The following PTPN11 variants were observed in gnomAD, a reference collection of about 807,000 sequenced individuals.
PTPN11 encodes tyrosine-protein phosphatase non-receptor type 11.
PTPN11 carries 6 observed loss-of-function variants against 78.8 expected under a neutral mutation model. That is an observed-to-expected ratio of 0.08 (90% CI 0.04 to 0.15). The LOEUF is 0.15. Ranked by LOEUF, PTPN11 falls within the 10% of genes least tolerant of loss-of-function variation. The pLI, the probability that PTPN11 is intolerant of heterozygous loss-of-function variation, is 1.00. For missense variants in PTPN11, 386 were observed against 744.8 expected, an observed-to-expected ratio of 0.52 and a Z score of 5.61; for synonymous variants, 221 against 263.5, an observed-to-expected ratio of 0.84 and a Z score of 1.56.
intron 9 of PTPN11, among the ~76,000 whole-genome samples, chr12:112,480,566 T>C (rs943169707): frequency 2.6e-5 from 4 of 151,974 alleles, no homozygotes; most frequent in Non-Finnish European, 5.9e-5. Flanking sequence ...GGTTTCACCA[T>C]GTTGGCCAGG....
chr12:112,425,297 T>C (rs888979718), intron 1 of PTPN11, among the ~76,000 whole-genome samples: 1 of 152,160 alleles, frequency 6.6e-6, no homozygotes, highest in Non-Finnish European at 1.5e-5. Context: ...TAGAACACTT[T>C]TCAAGAATTT....
rs938869265 is a variant in PTPN11 at position 112,504,850 on chromosome 12, T to G, written c.*32+54T>G. 1.5e-5 allele frequency: 18 copies of G among 1,166,212 alleles called. No homozygotes were observed. Among genetic ancestry groups the G allele is most frequent in the Non-Finnish European group, 2.1e-5 (17 of 791,564 alleles). The allele number at this position is 1,166,212 out of a possible 1,614,324, so 72.2% of individuals were successfully genotyped here. ...AATTGTTTATATAATTGGCAGTATT[T>G]TTAAGCAGGCAAGCAATTTGGGAAT... On this transcript the variant is annotated intron_variant, in intron 15 of 15. Coordinates refer to ENST00000351677, the MANE Select transcript of PTPN11 (RefSeq NM_002834.5). This position sits in a 1 kb window ranked among gnomAD's most constrained non-coding sequence, Gnocchi z 4.7.
intron 6 of PTPN11, among the ~76,000 whole-genome samples, chr12:112,463,197 A>AT (rs995071200): frequency 5.3e-5 from 8 of 151,994 alleles, no homozygotes; most frequent in African/African-American, 1.9e-4. Flanking sequence ...TTTAAAATAA[A>AT]TTTTTTTAAC....
At chr12:112,505,743 A>G (rs2038927594) in intron 15 of PTPN11, 82 bp from the exon 16 acceptor site, 1 of 151,970 alleles carries the variant, frequency 6.6e-6, no homozygotes, top group South Asian at 2.1e-4. Flanking sequence ...AAAAGCTCTA[A>G]GTCTACCTTA....
intron 1 of PTPN11, among the ~76,000 whole-genome samples, chr12:112,424,784 T>C (rs950168155): frequency 2.0e-5 from 3 of 151,920 alleles, no homozygotes; most frequent in Non-Finnish European, 2.9e-5. Flanking sequence ...CACTGCAACC[T>C]CTGCCTCCCA....
intron 6 of PTPN11, among the ~76,000 whole-genome samples, chr12:112,469,464 A>G (rs2038380190): frequency 6.6e-6 from 1 of 152,058 alleles, no homozygotes; most frequent in African/African-American, 2.4e-5. Flanking sequence ...TTCTATATAC[A>G]GCAAAATGAA....
chr12:112,477,818 C>T (rs1196008372), intron 8 of PTPN11, 39 bp from the exon 9 acceptor site: 18 of 1,612,328 alleles, frequency 1.1e-5, no homozygotes, highest in Non-Finnish European at 1.5e-5. Context: ...CTGAAAGTAA[C>T]TTTAAGGTGT....
intron 13 of PTPN11, among the ~76,000 whole-genome samples, chr12:112,497,889 A>G (rs1592860001): frequency 6.6e-6 from 1 of 152,216 alleles, no homozygotes; most frequent in Non-Finnish European, 1.5e-5. Context: ...GTGGTGGCTC[A>G]CGCCTGTAAT....
chr12:112,466,589 T>C (rs2038328478), intron 6 of PTPN11, among the ~76,000 whole-genome samples: 1 of 152,162 alleles, frequency 6.6e-6, no homozygotes, highest in African/African-American at 2.4e-5. Context: ...TGACCTCAGG[T>C]GATCCTCCTG....
At chr12:112,449,563 AAC>A (rs1235683597) in intron 2 of PTPN11, among the ~76,000 whole-genome samples, 1 of 152,168 alleles carries the variant, frequency 6.6e-6, no homozygotes, top group African/African-American at 2.4e-5. Flanking sequence ...TATGAGTAGT[AAC>A]ACAACAATTT....
chr12:112,492,642 C>T (rs1052000533), intron 13 of PTPN11, among the ~76,000 whole-genome samples: 1 of 151,896 alleles, frequency 6.6e-6, no homozygotes, highest in Non-Finnish European at 1.5e-5. Flanking sequence ...CTCAGCCTCC[C>T]AAGTAGTTGG....
At chr12:112,486,012 G>A (rs1044642030) in intron 10 of PTPN11, among the ~76,000 whole-genome samples, 1 of 113,530 alleles carries the variant, frequency 8.8e-6, no homozygotes, top group Non-Finnish European at 1.7e-5. Flanking sequence ...TGATACTATA[G>A]TCTGTGTTTA....
chr12:112,457,952 A>G (rs1279669666), intron 6 of PTPN11, among the ~76,000 whole-genome samples: 1 of 152,224 alleles, frequency 6.6e-6, no homozygotes, highest in Non-Finnish European at 1.5e-5. Context: ...TGAGATTTAC[A>G]TTTAACTCAT....
chr12:112,489,248 C>A, intron 13 of PTPN11, 73 bp downstream of exon 13: 1 of 1,541,460 alleles, frequency 6.5e-7, no homozygotes, highest in Non-Finnish European at 9.0e-7. Context: ...TCCTTTTGAG[C>A]AGGAGGACAG....
chr12:112,460,873 C>G (rs1237580564), intron 6 of PTPN11, among the ~76,000 whole-genome samples: 1 of 152,054 alleles, frequency 6.6e-6, no homozygotes, highest in Non-Finnish European at 1.5e-5. Flanking sequence ...TCTTAAGTCT[C>G]TTAGAATACT....
intron 9 of PTPN11, among the ~76,000 whole-genome samples, chr12:112,481,738 C>A (rs990781445): frequency 6.6e-6 from 1 of 152,124 alleles, no homozygotes; most frequent in Admixed American, 6.5e-5. Flanking sequence ...GTGATCTGCC[C>A]GCCTCGGCCA....
intron 1 of PTPN11, among the ~76,000 whole-genome samples, chr12:112,439,576 C>T (rs2037849407): frequency 6.6e-6 from 1 of 152,060 alleles, no homozygotes; most frequent in Non-Finnish European, 1.5e-5. Context: ...TCAGGTGATT[C>T]TCCTGCCTCA....
chr12:112,424,077 T>A (rs1420717833), intron 1 of PTPN11, among the ~76,000 whole-genome samples: 1 of 152,166 alleles, frequency 6.6e-6, no homozygotes, highest in Non-Finnish European at 1.5e-5. Flanking sequence ...TTAAAGATAA[T>A]GGTTCAAGTT....
chr12:112,477,608 A>G (rs528848600), intron 7 of PTPN11, 43 bp from the exon 8 acceptor site: 2 of 1,482,666 alleles, frequency 1.3e-6, no homozygotes, highest in African/African-American at 1.4e-5. Context: ...TTTTTCCTGA[A>G]GCAGTCCAGG....
Sources: gnomAD v4.1 joint callset for allele counts (sites outside exome capture counted in the v4.1 genomes callset) on GRCh38, gnomAD v4.1.1 for gene constraint, Gnocchi (gnomAD v3.1) non-coding constraint, MANE v1.5 for transcripts, NCBI Gene and HGNC (gene_info 2026-07-23, HGNC 2026-07-21) for gene names.